The following HMCN2 variants were observed in gnomAD, a reference collection of about 807,000 sequenced individuals.
HMCN2 encodes hemicentin-2.
Under a neutral mutation model 377.5 loss-of-function variants are expected in HMCN2, and 325 were observed. That is an observed-to-expected ratio of 0.86 (90% confidence interval 0.79 to 0.94). The LOEUF (loss-of-function observed/expected upper bound fraction) is 0.94, where lower values mean the gene tolerates loss of function less well. HMCN2 is among the 40% of genes least tolerant of loss of function. The pLI is 0.00. For missense variants in HMCN2, 4,543 were observed against 4,725.3 expected (o/e 0.96, Z 1.13); for synonymous variants, 2,007 against 2,046.8 (o/e 0.98, Z 0.53).
At chr9:130,385,132 G>T (rs1841952138) in intron 59 of HMCN2, among the ~76,000 whole-genome samples, 1 of 152,198 alleles carries the variant, frequency 6.6e-6, no homozygotes, top group Admixed American at 6.5e-5. Context: ...TAGCCCCGGG[G>T]CTGGTCCATT....
chr9:130,430,761 G>T, intron 95 of HMCN2, 157 bp downstream of exon 95: 1 of 670,682 alleles, frequency 1.5e-6, no homozygotes, highest in Non-Finnish European at 2.5e-6. Context: ...CCAATGCAGG[G>T]TGTCTCAGAG....
chr9:130,282,271 CA>C (rs782062939), intron 1 of HMCN2, among the ~76,000 whole-genome samples: 19 of 152,184 alleles, frequency 1.2e-4, no homozygotes, highest in Non-Finnish European at 2.5e-4. Flanking sequence ...AGCTCTGTGC[CA>C]GGGGTTTAGC....
At position 130,417,885 on chromosome 9, in the gene HMCN2, C is replaced by T. The variant is rs528180369; in HGVS notation, c.12962-887C>T. Among the ~76,000 whole-genome samples, 10 of 152,336 alleles carry T rather than the reference C, an allele frequency of 6.6e-5. No individual in the cohort carries two copies. In the South Asian group the frequency reaches 8.3e-4, roughly 13 times the overall value. On this transcript the variant is annotated intron_variant, in intron 85 of 97. Transcript: ENST00000683500. ...CGTTGCATTTCCACCTCAGTGTGTG[C>T]GAGTTCTGCTTGTTCCGCAGCCTCA... is the stretch of plus-strand genomic sequence containing the variant.
At chr9:130,433,151 TG>T in intron 97 of HMCN2, 196 bp from the exon 98 acceptor site, 1 of 494,058 alleles carries the variant, frequency 2.0e-6, no homozygotes, top group Non-Finnish European at 3.5e-6. Context: ...CTGGCTTCTC[TG>T]GGCTTCAGTT....
rs1836719152 is a variant in HMCN2, at chr9:130,304,414, C to A, written c.1544-316C>A. ...TCCAAGGCTTTATTCCTCAGCGTGG[C>A]ATCTTCAGCTCGGAGGCATGAAGAT... is the stretch of plus-strand genomic sequence containing the variant. On this transcript the variant is annotated intron_variant, in intron 10 of 97. Coordinates refer to ENST00000683500, the MANE Select transcript of HMCN2 (RefSeq NM_001291815.2). The surrounding 1 kb of genome is among the most constrained non-coding windows in gnomAD (Gnocchi z 4.3). 6.6e-6 allele frequency among the ~76,000 whole-genome samples: 1 copy of A among 152,194 alleles called. No individual in the cohort carries two copies. Among genetic ancestry groups the A allele is most frequent in the Non-Finnish European group, 1.5e-5 (1 of 68,040 alleles).
chr9:130,330,603 C>A (rs1304231267), intron 22 of HMCN2, among the ~76,000 whole-genome samples: 1 of 151,926 alleles, frequency 6.6e-6, no homozygotes, highest in Non-Finnish European at 1.5e-5. Context: ...GTATCTTCGA[C>A]CCCCCCAAGT....
chr9:130,384,573 C>T (rs763930368), intron 58 of HMCN2, 39 bp downstream of exon 58: 1 of 1,303,946 alleles, frequency 7.7e-7, no homozygotes, highest in South Asian at 1.2e-5. Context: ...TCTAAGGTTA[C>T]ATGGGGAGAG....
At position 130,429,631 on chromosome 9, in the gene HMCN2, C is replaced by T. The variant is rs754041273; in HGVS notation, c.14272C>T (p.Arg4758Cys). 29 of 1,549,040 alleles carry T rather than the reference C, an allele frequency of 1.9e-5. No individual in the cohort carries two copies. In the East Asian group the frequency reaches 2.2e-4, roughly 12 times the overall value. Residue 4758 changes from arginine (R) to cysteine (C), a missense_variant, in exon 94 of 98, where the codon CGC becomes TGC. This residue lies in a region of HMCN2 where 1,155 missense variants were observed against 1,157.7 expected (regional missense o/e 1.00). Coordinates refer to ENST00000683500, the MANE Select transcript of HMCN2 (RefSeq NM_001291815.2). ...QLCENTPGGH[R>C]CSCPRGYRMQ... Reference sequence around the variant, plus strand: ...CTGCGAGAACACCCCAGGCGGTCACCGCTGCAGCTGCCCCAGGGGTTACCG... The same window carrying T: ...CTGCGAGAACACCCCAGGCGGTCACTGCTGCAGCTGCCCCAGGGGTTACCG...
Position 130,343,608 on chromosome 9 carries a change from C to T in HMCN2, c.3829+1172C>T, listed in dbSNP as rs909339501. On this transcript the variant is annotated intron_variant, in intron 25 of 97. Transcript: ENST00000683500. ...TTGGATTCTGCTAACAGCAAGCAGC[C>T]GTTCTGCGCTTTTGGGAGGTGGGAG... is the stretch of plus-strand genomic sequence containing the variant. 4.6e-4 allele frequency among the ~76,000 whole-genome samples: 70 copies of T among 152,288 alleles called. 2 individuals carry two copies. Among genetic ancestry groups the T allele is most frequent in the Middle Eastern group, 3.4e-3 (1 of 294 alleles).
intron 25 of HMCN2, among the ~76,000 whole-genome samples, chr9:130,342,981 G>A (rs1383590952): frequency 6.6e-6 from 1 of 152,204 alleles, no homozygotes; most frequent in Admixed American, 6.5e-5. Flanking sequence ...TGTAACTCAG[G>A]ACAGTTTCTA....
Position 130,285,177 on chromosome 9 carries a change from A to G in HMCN2, c.350A>G (p.Glu117Gly), listed in dbSNP as rs554191116. 1.1e-5 allele frequency: 5 copies of G among 471,088 alleles called. No individual in the cohort carries two copies. Among genetic ancestry groups the G allele is most frequent in the East Asian group, 7.0e-5 (1 of 14,388 alleles). The allele number at this position is 471,088 out of a possible 1,614,324, so 29.2% of individuals were successfully genotyped here. Residue 117 changes from glutamate (E) to glycine (G), a missense_variant, in exon 3 of 98, where the codon GAG becomes GGG. This residue lies in a region of HMCN2 where 547 missense variants were observed against 189.9 expected (regional missense o/e 2.88). Coordinates refer to ENST00000683500, the MANE Select transcript of HMCN2 (RefSeq NM_001291815.2). ...LYVQGGGDCP[E>G]MSVGAIKAAV... is the part of the protein sequence containing the mutation. ...CTCCAGGGAGGTGGTGACTGCCCGG[A>G]GATGAGTGTGGGGGCCATTAAGGCT... is the stretch of plus-strand genomic sequence containing the variant.
chr9:130,381,959 C>G (rs975048038), intron 54 of HMCN2, among the ~76,000 whole-genome samples: 2 of 152,090 alleles, frequency 1.3e-5, no homozygotes, highest in African/African-American at 4.8e-5. Context: ...TGGGACAGGC[C>G]GAGAATGTGC....
intron 75 of HMCN2, among the ~76,000 whole-genome samples, chr9:130,399,256 A>C (rs891706682): frequency 1.9e-4 from 29 of 151,846 alleles, no homozygotes; most frequent in African/African-American, 6.5e-4. Context: ...GTCTCAAAAA[A>C]AAAAAAAAAA....
chr9:130,372,504 T>C, intron 47 of HMCN2, 97 bp downstream of exon 47: 1 of 252,650 alleles, frequency 4.0e-6, no homozygotes, highest in Non-Finnish European at 6.3e-6. Context: ...GCTCATGCTG[T>C]AGCAGGGGCC....
rs754965040 is a variant in HMCN2, at chr9:130,431,381, C to G, written c.14662C>G (p.Arg4888Gly). The G allele has an allele frequency of 1.9e-6, 3 of 1,549,892 alleles. No individual in the cohort carries two copies. Among genetic ancestry groups the G allele is most frequent in the Non-Finnish European group, 2.6e-6 (3 of 1,146,762 alleles). ...NGVCTDLDEC[R>G]VRNLCQHACR... ...GCCCGGGCCAGACCTTGACGAGTGC[C>G]GCGTGAGGAACCTGTGTCAGCACGC... is the stretch of plus-strand genomic sequence containing the variant. The change falls in exon 96 of 98, where the codon CGC becomes GGC. Residue 4888 changes from arginine (R) to glycine (G), a missense_variant. Around this residue, in one of 5 missense-constraint regions of HMCN2, gnomAD observed 1,155 missense variants for 1,157.7 expected, o/e 1.00. Coordinates refer to ENST00000683500, the MANE Select transcript of HMCN2 (RefSeq NM_001291815.2).
chr9:130,379,522 C>CA, intron 54 of HMCN2, 55 bp downstream of exon 54: 1 of 831,346 alleles, frequency 1.2e-6, no homozygotes, highest in Non-Finnish European at 1.5e-6. Context: ...TGTGTGCTGC[C>CA]TGCTGTGTGA....
At chr9:130,331,902 A>G (rs1838451228) in intron 22 of HMCN2, among the ~76,000 whole-genome samples, 1 of 151,994 alleles carries the variant, frequency 6.6e-6, no homozygotes, top group Admixed American at 6.5e-5. Flanking sequence ...GTGCGTTTCT[A>G]TCTCGTTCTT....
In HMCN2 at chr9:130,294,925, A is replaced by T; in HGVS notation, c.683A>T (p.Glu228Val). ...VHLLSTDHEE[E>V]GEHTWRLPFD... ...CTGCTGTCCACAGACCACGAGGAGG[A>T]GGGGGAGCACACATGGAGACTCCCC... is the stretch of plus-strand genomic sequence containing the variant. The change falls in exon 5 of 98, where the codon GAG becomes GTG. Residue 228 changes from glutamate (E) to valine (V), a missense_variant. Transcript: ENST00000683500. The T allele has an allele frequency of 2.1e-6, 1 of 470,606 alleles. No individual in the cohort carries two copies. Among genetic ancestry groups the T allele is most frequent in the Middle Eastern group, 3.3e-4 (1 of 3,074 alleles). 29.2% of individuals were successfully genotyped at this position (470,606 alleles called of 1,614,324 possible).
In HMCN2 at chr9:130,347,939, C is replaced by T; in HGVS notation, c.4024+579C>T. ...CACCTCCGGGTTAAAACTGTTACCC[C>T]TGGTCTCTTCTCACATTCTTGTCCT... On this transcript the variant is annotated intron_variant, in intron 26 of 97. Transcript: ENST00000683500. This position sits in a 1 kb window ranked among gnomAD's most constrained non-coding sequence, Gnocchi z 5.1. 2.1e-6 allele frequency: 2 copies of T among 951,858 alleles called. No homozygotes were observed. The highest frequency in any genetic ancestry group is 2.5e-6 in the Non-Finnish European group (2 of 799,512). The allele number at this position is 951,858 out of a possible 1,614,324, so 59.0% of individuals were successfully genotyped here.
Sources: gnomAD v4.1 joint callset for allele counts (sites outside exome capture counted in the v4.1 genomes callset) on GRCh38, gnomAD v4.1.1 for gene constraint, gnomAD v4.1.1 regional missense constraint, Gnocchi (gnomAD v3.1) non-coding constraint, MANE v1.5 for transcripts, NCBI Gene and HGNC (gene_info 2026-07-23, HGNC 2026-07-21) for gene names.